The following PGBD5 variants were observed in gnomAD, a reference collection of about 807,000 sequenced individuals.
PGBD5 encodes piggyBac transposable element-derived protein 5.
A neutral mutation model predicts 47.9 loss-of-function variants in PGBD5; 14 were observed. That is an observed-to-expected ratio of 0.29 (90% CI 0.19 to 0.46). The LOEUF (loss-of-function observed/expected upper bound fraction) is 0.46. PGBD5 is among the 20% of genes least tolerant of loss of function. The pLI, the probability that PGBD5 is intolerant of heterozygous loss-of-function variation, is 1.00. For synonymous variants in PGBD5, 316 were observed against 306.3 expected, an observed-to-expected ratio of 1.03 and a Z score of -0.33; for missense variants, 635 against 716.0, an observed-to-expected ratio of 0.89 and a Z score of 1.29.
chr1:230,380,494 C>T (rs566808582), intron 1 of PGBD5, among the ~76,000 whole-genome samples: 11 of 152,272 alleles, frequency 7.2e-5, no homozygotes, highest in South Asian at 2.1e-4. Context: ...CCACCACTAC[C>T]GTCTTGGGCA....
At chr1:230,372,471 C>T (rs1304838662) in intron 1 of PGBD5, among the ~76,000 whole-genome samples, 6 of 152,190 alleles carry the variant, frequency 3.9e-5, no homozygotes, top group Admixed American at 6.5e-5. Flanking sequence ...GCAAGATAAA[C>T]GTCCCCCCGC....
chr1:230,329,774 A>G (rs1167158071), intron 5 of PGBD5, among the ~76,000 whole-genome samples: 1 of 152,226 alleles, frequency 6.6e-6, no homozygotes. Context: ...CCTGGCCACT[A>G]AACAACAACA....
intron 1 of PGBD5, among the ~76,000 whole-genome samples, chr1:230,400,662 C>G (rs201433355): frequency 0.084 from 12,364 of 146,858 alleles, 881 homozygotes; most frequent in East Asian, 0.19. Flanking sequence ...GGTTTTCTTT[C>G]TTAGAAATGT....
At chr1:230,400,138 T>C (rs928970258) in intron 1 of PGBD5, among the ~76,000 whole-genome samples, 1 of 152,122 alleles carries the variant, frequency 6.6e-6, no homozygotes, top group Non-Finnish European at 1.5e-5. Context: ...CCTTCCTCCT[T>C]CCTCCGCGCC....
At chr1:230,415,319 C>G (rs1254044071) in intron 1 of PGBD5, among the ~76,000 whole-genome samples, 3 of 151,954 alleles carry the variant, frequency 2.0e-5, no homozygotes, top group Admixed American at 6.6e-5. Context: ...CCACTAACCA[C>G]TCTGGGTGAT....
chr1:230,366,863 G>A lies in PGBD5; in HGVS notation c.332-9542C>T, dbSNP rs532289042. ...GAGCCGACGTACAGATGGCTGTTAC[G>A]AAACAGCCGCCGTAGCCACCACAGT... On this transcript the variant is annotated intron_variant, in intron 1 of 6. Coordinates refer to ENST00000391860, the MANE Select transcript of PGBD5 (RefSeq NM_001258311.2). Among the ~76,000 whole-genome samples the A allele has an allele frequency of 2.4e-4, 37 of 152,222 alleles. No homozygotes were observed. In the South Asian group the frequency reaches 6.4e-3, roughly 26 times the overall value.
At chr1:230,360,124 G>A (rs1248721049) in intron 1 of PGBD5, among the ~76,000 whole-genome samples, 1 of 152,226 alleles carries the variant, frequency 6.6e-6, no homozygotes, top group Non-Finnish European at 1.5e-5. Flanking sequence ...TCATGCTGAC[G>A]AAGCAGAATG....
chr1:230,425,494 A>G lies in PGBD5; in HGVS notation c.331+104T>C. ...ATTTGTTTCCGGAGAGACACCCACA[A>G]GCCAGCCCACGGAGAGTCTGGACTC... On this transcript the variant is annotated intron_variant, in intron 1 of 6. Transcript: ENST00000391860. The surrounding 1 kb of genome is among the most constrained non-coding windows in gnomAD (Gnocchi z 4.7). 1.1e-6 allele frequency: 1 copy of G among 887,554 alleles called. No individual in the cohort carries two copies. The highest frequency in any genetic ancestry group is 5.8e-5 in the South Asian group (1 of 17,224). 55.0% of individuals were successfully genotyped at this position (887,554 alleles called of 1,614,324 possible).
rs1666981297 is a variant in PGBD5, at chr1:230,318,371, G to GT, written c.*5053dup. 1 of 152,248 alleles carries GT rather than the reference G, an allele frequency of 6.6e-6. No individual in the cohort carries two copies. The highest frequency in any genetic ancestry group is 6.5e-5 in the Admixed American group (1 of 15,286). 9.4% of individuals were successfully genotyped at this position (152,248 alleles called of 1,614,324 possible). On this transcript the variant is annotated 3_prime_UTR_variant, in exon 7 of 7. Transcript: ENST00000391860. ...GTCAAAAGTGAGAAGCCTCAGTCAT[G>GT]TTCCTGATAAGAACGGAAGGTATTT...
chr1:230,382,132 T>C (rs1015821734), intron 1 of PGBD5, among the ~76,000 whole-genome samples: 2 of 152,236 alleles, frequency 1.3e-5, no homozygotes, highest in Admixed American at 6.5e-5. Context: ...TACTGCCTAC[T>C]GCAGTTCCTA....
intron 1 of PGBD5, among the ~76,000 whole-genome samples, chr1:230,368,824 G>A (rs1224101386): frequency 6.6e-6 from 1 of 152,244 alleles, no homozygotes; most frequent in Non-Finnish European, 1.5e-5. Context: ...TGCACATGCA[G>A]AGGTAGGGTG....
At chr1:230,351,658 C>G (rs942822793) in intron 2 of PGBD5, among the ~76,000 whole-genome samples, 2 of 152,148 alleles carry the variant, frequency 1.3e-5, no homozygotes, top group Non-Finnish European at 2.9e-5. Flanking sequence ...TGTCAGCCCA[C>G]GACCTCCTTC....
At chr1:230,331,455 G>A (rs1667213608) in intron 5 of PGBD5, among the ~76,000 whole-genome samples, 1 of 152,036 alleles carries the variant, frequency 6.6e-6, no homozygotes, top group African/African-American at 2.4e-5. Context: ...GTAGGAAGCA[G>A]TTCCTGCCCC....
At position 230,414,040 on chromosome 1, in the gene PGBD5, C is replaced by T. The variant is rs905408751; in HGVS notation, c.331+11558G>A. Among the ~76,000 whole-genome samples the T allele has an allele frequency of 2.0e-5, 3 of 152,178 alleles. No homozygotes were observed. In the South Asian group the frequency reaches 6.2e-4, roughly 32 times the overall value. ...CTGATAAATTGATGGGGTGAAGGAA[C>T]GCTGGCACACCCCAAGGTGCATGTG... is the stretch of plus-strand genomic sequence containing the variant. On this transcript the variant is annotated intron_variant, in intron 1 of 6. Coordinates refer to ENST00000391860, the MANE Select transcript of PGBD5 (RefSeq NM_001258311.2).
At chr1:230,387,257 C>T (rs892456542) in intron 1 of PGBD5, among the ~76,000 whole-genome samples, 1 of 152,200 alleles carries the variant, frequency 6.6e-6, no homozygotes, top group African/African-American at 2.4e-5. Flanking sequence ...AAATGGCCTT[C>T]CTCATAACCT....
Position 230,425,671 on chromosome 1 carries a change from C to T in PGBD5, c.258G>A (p.Glu86=), listed in dbSNP as rs1657758768. 2.5e-6 allele frequency: 3 copies of T among 1,219,036 alleles called. No homozygotes were observed. Among genetic ancestry groups the T allele is most frequent in the South Asian group, 4.1e-5 (1 of 24,220 alleles). The allele number at this position is 1,219,036 out of a possible 1,614,324, so 75.5% of individuals were successfully genotyped here. The change falls in exon 1 of 7, where the codon GAG becomes GAA. Residue 86 remains glutamate (E), a synonymous_variant. Coordinates refer to ENST00000391860, the MANE Select transcript of PGBD5 (RefSeq NM_001258311.2). This position sits in a 1 kb window ranked among gnomAD's most constrained non-coding sequence, Gnocchi z 4.7. ...PPRAPDAQEP[E]EDEAGAGWSA... ...TCCAGCCCGCGCCGGCCTCGTCCTC[C>T]TCCGGCTCCTGTGCGTCCGGGGCGC...
chr1:230,334,664 C>T (rs1180327452), intron 4 of PGBD5, among the ~76,000 whole-genome samples: 1 of 152,222 alleles, frequency 6.6e-6, no homozygotes, highest in African/African-American at 2.4e-5. Context: ...GGTGCAGCCA[C>T]CAGTGACCCT....
At chr1:230,325,561 C>T (rs1470835153) in intron 5 of PGBD5, 146 bp from the exon 6 acceptor site, 1 of 640,936 alleles carries the variant, frequency 1.6e-6, no homozygotes, top group Non-Finnish European at 2.8e-6. Flanking sequence ...TGAAGAAGAA[C>T]AATCAGCACC....
chr1:230,362,414 G>A (rs1667761956), intron 1 of PGBD5: 1 of 1,342,064 alleles, frequency 7.5e-7, no homozygotes, highest in Non-Finnish European at 9.9e-7. Context: ...TGCCGGGGAA[G>A]CCTGTGTCAG....
Sources: allele counts gnomAD v4.1 joint callset (sites outside exome capture counted in the v4.1 genomes callset), GRCh38; gene constraint gnomAD v4.1.1; non-coding constraint Gnocchi (gnomAD v3.1); transcripts MANE v1.5; gene names NCBI Gene and HGNC (gene_info 2026-07-23, HGNC 2026-07-21).